RNF213: variants seen among roughly 807,000 people sequenced by gnomAD.
RNF213 encodes E3 ubiquitin-protein ligase RNF213.
RNF213 carries 341 observed loss-of-function variants against 514.4 expected under a neutral mutation model. That is an observed-to-expected ratio of 0.66 (90% CI 0.61 to 0.73). The LOEUF (loss-of-function observed/expected upper bound fraction) is 0.73, where lower values mean the gene tolerates loss of function less well. Among genes scored for constraint, RNF213 ranks in the 30% least tolerant of loss-of-function variants. The pLI is 0.00. For synonymous variants in RNF213, 2,655 were observed against 2,658.2 expected (o/e 1.00, Z 0.04); for missense variants, 5,767 against 6,615.6 (o/e 0.87, Z 4.45).
Position 80,346,733 on chromosome 17 carries a change from A to C in RNF213, c.8398A>C (p.Lys2800Gln), listed in dbSNP as rs769715153. The part of the protein sequence containing the change: ...AAYSDLFRSL[K>Q]QVHLVSFQCS... The stretch of plus-strand genomic sequence containing the variant: ...CTACTCAGATCTCTTCCGCAGCCTG[A>C]AGCAGGTCCACCTGGTGTCCTTCCA... The change falls in exon 29 of 68, where the codon AAG becomes CAG. Residue 2800 changes from lysine to glutamine, a missense_variant. Coordinates refer to ENST00000582970, the MANE Select transcript of RNF213 (RefSeq NM_001256071.3). The surrounding 1 kb of genome is among the most constrained non-coding windows in gnomAD (Gnocchi z 8.1). 6.8e-6 allele frequency: 11 copies of C among 1,612,514 alleles called. No homozygotes were observed. The South Asian group carries it at 1.2e-4, about 18-fold the overall frequency.
chr17:80,324,709 GTA>G (rs113622765), intron 17 of RNF213, among the ~76,000 whole-genome samples: 22 of 151,870 alleles, frequency 1.4e-4, no homozygotes, highest in African/African-American at 5.3e-4. Flanking sequence ...TTCATTTTTG[GTA>G]TTTTTCATGA....
At chr17:80,338,664 T>C (rs2078058530) in intron 25 of RNF213, among the ~76,000 whole-genome samples, 1 of 151,078 alleles carries the variant, frequency 6.6e-6, no homozygotes, top group South Asian at 2.1e-4. Context: ...AAAAAGATAA[T>C]TTAAAAAAAT....
intron 20 of RNF213, among the ~76,000 whole-genome samples, chr17:80,330,104 C>T (rs1050278142): frequency 6.6e-6 from 1 of 152,064 alleles, no homozygotes; most frequent in Admixed American, 6.5e-5. Flanking sequence ...TGTCAGCTTT[C>T]GTATATATAT....
chr17:80,303,615 G>A (rs1054604789), intron 11 of RNF213, among the ~76,000 whole-genome samples: 1 of 148,342 alleles, frequency 6.7e-6, no homozygotes, highest in African/African-American at 2.5e-5. Context: ...CCAGGCTGGA[G>A]TACAGTGGCG....
chr17:80,327,642 G>A (rs184485888), intron 18 of RNF213, among the ~76,000 whole-genome samples, 174 bp from the exon 19 acceptor site: 1 of 152,318 alleles, frequency 6.6e-6, no homozygotes, highest in East Asian at 1.9e-4. Flanking sequence ...TAACCCTCGT[G>A]GGGGAAAGCA....
Position 80,348,225 on chromosome 17 carries a change from C to T in RNF213, c.9890C>T (p.Ala3297Val), listed in dbSNP as rs762944488. The T allele has an allele frequency of 9.9e-6, 16 of 1,614,094 alleles. 1 individual carries two copies. The South Asian group carries it at 1.6e-4, about 17-fold the overall frequency. The change falls in exon 29 of 68, where the codon GCA becomes GTA. Residue 3297 changes from alanine (A) to valine (V), a missense_variant. Transcript: ENST00000582970. ...YFHRQRHNSF[A>V]DFLQAHLHTA... ...CACAGACAGAGGCACAACTCCTTTGCAGATTTCCTTCAGGCACACCTGCAC... is the reference window on the plus strand; with the variant it reads ...CACAGACAGAGGCACAACTCCTTTGTAGATTTCCTTCAGGCACACCTGCAC...
chr17:80,367,891 C>T, intron 43 of RNF213, 43 bp downstream of exon 43: 1 of 1,612,812 alleles, frequency 6.2e-7, no homozygotes, highest in Non-Finnish European at 8.5e-7. Context: ...GAATTCTGAA[C>T]CTCTCGTGGT....
intron 15 of RNF213, among the ~76,000 whole-genome samples, chr17:80,313,756 A>G (rs1165289718): frequency 1.2e-5 from 1 of 85,056 alleles, no homozygotes; most frequent in Non-Finnish European, 2.5e-5. Context: ...CTGGTGGTGG[A>G]GGTGGTGGAG....
rs72849808 is a variant in RNF213, at chr17:80,280,899, G to A, written c.262-6916G>A. ...GAAACATTCCCACGGAGTAACAGAG[G>A]CGCGACCTGGGGATGCGCACGGAGC... On this transcript the variant is annotated intron_variant, in intron 3 of 67. Coordinates refer to ENST00000582970, the MANE Select transcript of RNF213 (RefSeq NM_001256071.3). Among the ~76,000 whole-genome samples the A allele has an allele frequency of 6.2e-3, 951 of 152,194 alleles. 7 individuals carry two copies. Among genetic ancestry groups the A allele is most frequent in the Non-Finnish European group, 9.9e-3 (674 of 67,984 alleles).
chr17:80,353,944 T>A lies in RNF213; in HGVS notation c.10579-75T>A, dbSNP rs1260674311. On this transcript the variant is annotated intron_variant, in intron 34 of 67. Coordinates refer to ENST00000582970, the MANE Select transcript of RNF213 (RefSeq NM_001256071.3). This position sits in a 1 kb window ranked among gnomAD's most constrained non-coding sequence, Gnocchi z 5.0. ...GCTGTTTGCTGCATTGAGACCCTCA[T>A]CGCATACGGGCGGTTTGGCTTTTGC... 3.7e-5 allele frequency: 59 copies of A among 1,579,022 alleles called. 1 individual carries two copies. In the Admixed American group the frequency reaches 8.2e-4, roughly 22 times the overall value.
Position 80,353,382 on chromosome 17 carries a change from C to T in RNF213, c.10424-130C>T, listed in dbSNP as rs1281363190. 8 of 1,067,340 alleles carry T rather than the reference C, an allele frequency of 7.5e-6. No homozygotes were observed. The highest frequency in any genetic ancestry group is 4.7e-5 in the African/African-American group (3 of 63,716). The allele number at this position is 1,067,340 out of a possible 1,614,324, so 66.1% of individuals were successfully genotyped here. ...ATGACCGTGATCTCTCATCTGGGGA[C>T]CTAGCACCACAGCAGGGGCCGGGGA... On this transcript the variant is annotated intron_variant, in intron 33 of 67. Coordinates refer to ENST00000582970, the MANE Select transcript of RNF213 (RefSeq NM_001256071.3). The surrounding 1 kb of genome is among the most constrained non-coding windows in gnomAD (Gnocchi z 5.0).
Position 80,317,074 on chromosome 17 carries a change from C to G in RNF213, c.2812-114C>G. The G allele has an allele frequency of 3.5e-6, 4 of 1,127,474 alleles. No individual in the cohort carries two copies. Among genetic ancestry groups the G allele is most frequent in the Non-Finnish European group, 3.9e-6 (3 of 761,506 alleles). 69.8% of individuals were successfully genotyped at this position (1,127,474 alleles called of 1,614,324 possible). ...GAAGGTTGGGGAGAGCCCTGGTGTT[C>G]GCGGAGTCCCGCGCTCTCTGTATTG... On this transcript the variant is annotated intron_variant, in intron 15 of 67. Transcript: ENST00000582970. The surrounding 1 kb of genome is among the most constrained non-coding windows in gnomAD (Gnocchi z 4.1).
intron 1 of RNF213, among the ~76,000 whole-genome samples, chr17:80,262,427 GTGTGCAGGGTTGTCTTGT>G (rs1313492755): frequency 1.3e-4 from 20 of 152,204 alleles, no homozygotes; most frequent in African/African-American, 4.8e-4. Flanking sequence ...GAGAGGGGAG[GTGTGCAGGGTTGTCTTGT>G]TGTGCAGATA....
intron 25 of RNF213, 108 bp downstream of exon 25, chr17:80,338,105 A>G: frequency 7.5e-7 from 1 of 1,341,122 alleles, no homozygotes; most frequent in Middle Eastern, 2.2e-4. Context: ...TTTGACTGAT[A>G]AGAAGGGCTC....
At chr17:80,309,288 G>A in intron 14 of RNF213, 117 bp downstream of exon 14, 1 of 1,229,940 alleles carries the variant, frequency 8.1e-7, no homozygotes, top group Admixed American at 1.8e-5. Context: ...TGGAGCGGTG[G>A]TTTCAGCAGT....
intron 21 of RNF213, among the ~76,000 whole-genome samples, chr17:80,333,483 G>A (rs1408538444): frequency 1.3e-5 from 2 of 151,400 alleles, no homozygotes; most frequent in African/African-American, 4.8e-5. Flanking sequence ...CACCTGAGGT[G>A]AGGAGTTCGA....
chr17:80,293,340 C>A (rs1000776513), intron 8 of RNF213, among the ~76,000 whole-genome samples: 1 of 151,952 alleles, frequency 6.6e-6, no homozygotes, highest in African/African-American at 2.4e-5. Context: ...GGGATTAAGA[C>A]GTGAGCCACT....
intron 17 of RNF213, among the ~76,000 whole-genome samples, chr17:80,322,380 T>A (rs2046169723): frequency 6.6e-6 from 1 of 151,762 alleles, no homozygotes; most frequent in South Asian, 2.1e-4. Context: ...CTGTAGACCA[T>A]CCTGGCTAAC....
At chr17:80,356,084 T>C (rs1280537216) in intron 36 of RNF213, among the ~76,000 whole-genome samples, 2 of 151,490 alleles carry the variant, frequency 1.3e-5, no homozygotes, top group African/African-American at 2.4e-5. Context: ...TCACTGAAAC[T>C]TCCACCTCCT....
Sources: allele counts gnomAD v4.1 joint callset (sites outside exome capture counted in the v4.1 genomes callset), GRCh38; gene constraint gnomAD v4.1.1; non-coding constraint Gnocchi (gnomAD v3.1); transcripts MANE v1.5; gene names NCBI Gene and HGNC (gene_info 2026-07-23, HGNC 2026-07-21).